UBE2R2: variants seen among roughly 807,000 people sequenced by gnomAD.
The protein encoded by UBE2R2 is ubiquitin-conjugating enzyme E2 R2.
In UBE2R2, 1 loss-of-function variant was observed where a neutral mutation model predicts 27.8. The observed-to-expected ratio is 0.04, with a 90% CI of 0.01 to 0.17. The LOEUF (loss-of-function observed/expected upper bound fraction) is 0.17. Among genes scored for constraint, UBE2R2 ranks in the 10% least tolerant of loss-of-function variants. UBE2R2 has a pLI of 1.00. For missense variants in UBE2R2, 100 were observed against 291.0 expected (o/e 0.34, Z 4.78); for synonymous variants, 106 against 113.3 (o/e 0.94, Z 0.41).
At chr9:33,816,678 T>C (rs1825767696), upstream of UBE2R2, among the ~76,000 whole-genome samples, 1 of 152,102 alleles carries the variant, frequency 6.6e-6, no homozygotes, top group Non-Finnish European at 1.5e-5. Context: ...TGTCAGCACA[T>C]CCTAATCAAG....
intron 1 of UBE2R2, among the ~76,000 whole-genome samples, chr9:33,854,190 A>G (rs1156453289): frequency 6.6e-6 from 1 of 152,146 alleles, no homozygotes; most frequent in Non-Finnish European, 1.5e-5. Flanking sequence ...ATCATAGTTA[A>G]TGTGATCTCT....
chr9:33,867,178 G>A (rs1024545206), intron 1 of UBE2R2, among the ~76,000 whole-genome samples: 2 of 152,066 alleles, frequency 1.3e-5, no homozygotes, highest in South Asian at 2.1e-4. Flanking sequence ...GTGAACCACC[G>A]TGCCCGGCCA....
chr9:33,858,951 A>G (rs946306674), intron 1 of UBE2R2, among the ~76,000 whole-genome samples: 13 of 151,684 alleles, frequency 8.6e-5, no homozygotes, highest in Admixed American at 6.6e-4. Flanking sequence ...TCAGCCTCCC[A>G]AGTAGCTGGG....
intron 1 of UBE2R2, among the ~76,000 whole-genome samples, chr9:33,874,096 C>T (rs997195131): frequency 6.6e-6 from 1 of 151,714 alleles, no homozygotes; most frequent in South Asian, 2.1e-4. Flanking sequence ...TACAGGTGCC[C>T]GCTGCCATGC....
At chr9:33,905,767 A>G (rs902503281) in intron 3 of UBE2R2, among the ~76,000 whole-genome samples, 6 of 152,192 alleles carry the variant, frequency 3.9e-5, no homozygotes, top group African/African-American at 1.4e-4. Flanking sequence ...TGAAACATGC[A>G]ATGAGGACTG....
intron 1 of UBE2R2, among the ~76,000 whole-genome samples, chr9:33,853,196 T>C (rs923534216): frequency 2.0e-5 from 3 of 149,322 alleles, no homozygotes; most frequent in Non-Finnish European, 4.4e-5. Flanking sequence ...GTTCTGAGTA[T>C]GTAAAAATAT....
intron 3 of UBE2R2, among the ~76,000 whole-genome samples, chr9:33,911,763 T>A (rs888550724): frequency 3.1e-4 from 47 of 152,188 alleles, no homozygotes; most frequent in African/African-American, 1.1e-3. Context: ...AATTTTTTTT[T>A]ATTTTTCTTA....
chr9:33,901,184 G>T (rs1266912825), intron 3 of UBE2R2, among the ~76,000 whole-genome samples: 1 of 152,002 alleles, frequency 6.6e-6, no homozygotes, highest in East Asian at 1.9e-4. Context: ...GTACTGATCA[G>T]GTATTTTGTG....
At chr9:33,847,752 T>G (rs2130748985) in intron 1 of UBE2R2, among the ~76,000 whole-genome samples, 1 of 148,748 alleles carries the variant, frequency 6.7e-6, no homozygotes, top group East Asian at 1.9e-4. Flanking sequence ...CTGAAATTTT[T>G]TTTTTTTTTT....
At chr9:33,891,364 G>A (rs905306923) in intron 2 of UBE2R2, among the ~76,000 whole-genome samples, 2 of 151,628 alleles carry the variant, frequency 1.3e-5, no homozygotes, top group African/African-American at 4.8e-5. Flanking sequence ...AGACAGGTGT[G>A]GTCAGGTGTG....
At chr9:33,830,611 T>TA (rs1820448332) in intron 1 of UBE2R2, among the ~76,000 whole-genome samples, 1 of 151,162 alleles carries the variant, frequency 6.6e-6, no homozygotes, top group Admixed American at 6.6e-5. Flanking sequence ...CTACTGAAAA[T>TA]ACAAAAATTA....
At chr9:33,829,792 C>CTTTTTTTT in intron 1 of UBE2R2, among the ~76,000 whole-genome samples, 1 of 119,334 alleles carries the variant, frequency 8.4e-6, no homozygotes, top group Non-Finnish European at 1.7e-5. Flanking sequence ...TTAGTGCAAT[C>CTTTTTTTT]GTTTTTTTTT....
intron 1 of UBE2R2, among the ~76,000 whole-genome samples, chr9:33,877,005 A>G (rs958033850): frequency 2.6e-5 from 4 of 151,930 alleles, no homozygotes; most frequent in Admixed American, 2.6e-4. Context: ...TTAGCCAGGC[A>G]TGTTGGCACA....
At chr9:33,816,161 A>C (rs1331415571), upstream of UBE2R2, among the ~76,000 whole-genome samples, 1 of 152,218 alleles carries the variant, frequency 6.6e-6, no homozygotes, top group Non-Finnish European at 1.5e-5. Context: ...TCTAGTTCCG[A>C]AACTGTGTGT....
intron 1 of UBE2R2, among the ~76,000 whole-genome samples, chr9:33,859,956 A>G (rs1821192759): frequency 6.6e-6 from 1 of 151,958 alleles, no homozygotes; most frequent in African/African-American, 2.4e-5. Flanking sequence ...ACAGGCATGA[A>G]CCACCATGTC....
chr9:33,838,840 T>C (rs1304247862), intron 1 of UBE2R2, among the ~76,000 whole-genome samples: 1 of 151,918 alleles, frequency 6.6e-6, no homozygotes, highest in Non-Finnish European at 1.5e-5. Context: ...CCCAGCACTT[T>C]GGGAGGCCGA....
intron 1 of UBE2R2, among the ~76,000 whole-genome samples, chr9:33,849,747 C>T (rs1820923484): frequency 6.6e-6 from 1 of 151,380 alleles, no homozygotes. Flanking sequence ...GTTCCAGCTG[C>T]CTAGGAGGCT....
intron 1 of UBE2R2, among the ~76,000 whole-genome samples, chr9:33,851,154 C>G (rs900667820): frequency 6.6e-6 from 1 of 152,196 alleles, no homozygotes. Context: ...GGTAGGCACT[C>G]TTTTTAAAAA....
At chr9:33,872,584 C>A (rs945829286) in intron 1 of UBE2R2, among the ~76,000 whole-genome samples, 1 of 151,928 alleles carries the variant, frequency 6.6e-6, no homozygotes, top group Non-Finnish European at 1.5e-5. Context: ...GTCAGAAGGT[C>A]AAGACCAACC....
Sources: gnomAD v4.1 joint callset for allele counts (sites outside exome capture counted in the v4.1 genomes callset) on GRCh38, gnomAD v4.1.1 for gene constraint, MANE v1.5 for transcripts, NCBI Gene and HGNC (gene_info 2026-07-23, HGNC 2026-07-21) for gene names.